NT5DC1: variants seen among roughly 807,000 people sequenced by gnomAD.
NT5DC1 encodes 5'-nucleotidase domain-containing protein 1.
NT5DC1 carries 42 observed loss-of-function variants against 59.4 expected under a neutral mutation model. The ratio of observed to expected loss-of-function variants is 0.71; its 90% CI spans 0.55 to 0.92. NT5DC1 has a LOEUF of 0.92. NT5DC1 is among the 40% of genes least tolerant of loss of function. NT5DC1 has a pLI of 0.00. For missense variants in NT5DC1, 501 were observed against 537.1 expected, an observed-to-expected ratio of 0.93 and a Z score of 0.66; for synonymous variants, 172 against 188.1, an observed-to-expected ratio of 0.91 and a Z score of 0.70.
At chr6:116,142,764 T>C (rs1182798227) in intron 6 of NT5DC1, among the ~76,000 whole-genome samples, 3 of 152,196 alleles carry the variant, frequency 2.0e-5, no homozygotes, top group Admixed American at 6.5e-5. Flanking sequence ...TGTTTCTTTT[T>C]GTTTCTTGTG....
chr6:116,172,684 A>G (rs1337642305), intron 6 of NT5DC1, among the ~76,000 whole-genome samples: 3 of 152,182 alleles, frequency 2.0e-5, no homozygotes, highest in Non-Finnish European at 2.9e-5. Context: ...AGCAGATAAC[A>G]TATATTATTT....
At chr6:116,115,342 T>C (rs1778944526) in intron 4 of NT5DC1, among the ~76,000 whole-genome samples, 1 of 152,208 alleles carries the variant, frequency 6.6e-6, no homozygotes, top group South Asian at 2.1e-4. Flanking sequence ...TTAGGTAAAT[T>C]GATTGTTTTG....
chr6:116,163,826 A>G (rs1217003937), intron 6 of NT5DC1, among the ~76,000 whole-genome samples: 4 of 152,078 alleles, frequency 2.6e-5, no homozygotes, highest in African/African-American at 4.8e-5. Context: ...TTCATTTCCA[A>G]TTCTTTTTTA....
chr6:116,242,762 G>C (rs1204825), intron 11 of NT5DC1, among the ~76,000 whole-genome samples: 114,465 of 152,108 alleles, frequency 0.75, 44,582 homozygotes, highest in East Asian at 1. Context: ...TTCTTAGTTT[G>C]CAAATTTCCT....
chr6:116,207,051 A>G (rs1216066012), intron 6 of NT5DC1, among the ~76,000 whole-genome samples: 1 of 151,972 alleles, frequency 6.6e-6, no homozygotes, highest in Non-Finnish European at 1.5e-5. Flanking sequence ...TTTCTTAACA[A>G]ACTTTTTCCT....
At chr6:116,125,097 C>T (rs1779254074) in intron 6 of NT5DC1, among the ~76,000 whole-genome samples, 2 of 152,180 alleles carry the variant, frequency 1.3e-5, no homozygotes, top group Admixed American at 6.5e-5. Flanking sequence ...TTTGTACACA[C>T]AAAAGTTCTG....
chr6:116,224,241 C>G (rs1240050357), intron 8 of NT5DC1, among the ~76,000 whole-genome samples: 1 of 152,142 alleles, frequency 6.6e-6, no homozygotes. Context: ...GTATTATTTA[C>G]TTTGAACTTT....
chr6:116,163,813 A>C (rs547663909), intron 6 of NT5DC1, among the ~76,000 whole-genome samples: 14 of 152,264 alleles, frequency 9.2e-5, no homozygotes, highest in African/African-American at 3.4e-4. Flanking sequence ...TTACATGTCT[A>C]TATTCATTTC....
At chr6:116,162,805 G>A (rs1780365357) in intron 6 of NT5DC1, among the ~76,000 whole-genome samples, 2 of 151,998 alleles carry the variant, frequency 1.3e-5, no homozygotes, top group Admixed American at 1.3e-4. Flanking sequence ...AGTTTAGGAG[G>A]AATTCCTCCT....
chr6:116,123,574 T>C (rs1779201806), intron 6 of NT5DC1, among the ~76,000 whole-genome samples: 1 of 152,256 alleles, frequency 6.6e-6, no homozygotes, highest in African/African-American at 2.4e-5. Flanking sequence ...AACTCTTTTT[T>C]AACCTGTGTT....
chr6:116,243,918 T>A lies in NT5DC1; in HGVS notation c.1262T>A (p.Leu421Gln). Residue 421 changes from leucine to glutamine, a missense_variant, in exon 12 of 12, where the codon CTG becomes CAG. Physicochemically the swap from Leu to Gln is moderately radical, Grantham distance 113 (BLOSUM62 -2). Transcript: ENST00000319550. ...PSIEAIAELP[L>Q]DYKFTRFSSS... ...TTTTTTTCCTCCCCAGAATTACCTC[T>A]GGACTACAAATTTACAAGATTCTCT... is the stretch of plus-strand genomic sequence containing the variant. 6.8e-7 allele frequency: 1 copy of A among 1,471,694 alleles called. No homozygotes were observed. Among genetic ancestry groups the A allele is most frequent in the Non-Finnish European group, 9.4e-7 (1 of 1,058,864 alleles). 91.2% of individuals were successfully genotyped at this position (1,471,694 alleles called of 1,614,324 possible). A position where few individuals can be genotyped will look rare whatever the true frequency, so the allele number is the denominator to read the frequency against.
intron 8 of NT5DC1, among the ~76,000 whole-genome samples, chr6:116,230,408 T>A (rs1400902329): frequency 6.6e-6 from 1 of 152,228 alleles, no homozygotes; most frequent in Non-Finnish European, 1.5e-5. Context: ...CTGAAATGAT[T>A]GCCTTTTATT....
intron 11 of NT5DC1, among the ~76,000 whole-genome samples, chr6:116,243,432 T>G (rs1383382394): frequency 1.3e-5 from 2 of 151,796 alleles, no homozygotes; most frequent in African/African-American, 4.9e-5. Flanking sequence ...TAAACATTAT[T>G]ATAAATTGCA....
intron 6 of NT5DC1, among the ~76,000 whole-genome samples, chr6:116,186,109 G>A (rs1780991237): frequency 6.6e-6 from 1 of 151,996 alleles, no homozygotes; most frequent in South Asian, 2.1e-4. Flanking sequence ...AAAAGACTGT[G>A]TCTTCCCTTC....
chr6:116,220,311 A>G (rs750942585), intron 6 of NT5DC1, among the ~76,000 whole-genome samples: 2 of 152,096 alleles, frequency 1.3e-5, no homozygotes, highest in East Asian at 1.9e-4. Context: ...CTTTAAAGGC[A>G]TTGGGTCAAG....
chr6:116,162,399 G>T (rs1159649760), intron 6 of NT5DC1, among the ~76,000 whole-genome samples: 1 of 152,102 alleles, frequency 6.6e-6, no homozygotes, highest in East Asian at 1.9e-4. Flanking sequence ...TAAGTATGAT[G>T]TTGGCTGTGG....
At chr6:116,136,070 C>G (rs1167618714) in intron 6 of NT5DC1, among the ~76,000 whole-genome samples, 1 of 151,926 alleles carries the variant, frequency 6.6e-6, no homozygotes, top group Non-Finnish European at 1.5e-5. Flanking sequence ...CTTTGTGCCA[C>G]TTGAAAAACA....
chr6:116,169,624 C>A (rs1233148209), intron 6 of NT5DC1, among the ~76,000 whole-genome samples: 5 of 151,944 alleles, frequency 3.3e-5, no homozygotes, highest in African/African-American at 7.2e-5. Context: ...CCTGTAGTAC[C>A]TGCTATCTGC....
chr6:116,197,961 T>C (rs1165555098), intron 6 of NT5DC1, among the ~76,000 whole-genome samples: 1 of 152,038 alleles, frequency 6.6e-6, no homozygotes, highest in Non-Finnish European at 1.5e-5. Flanking sequence ...TCTCTGAATT[T>C]TGTCATAGAG....
Sources: gnomAD v4.1 joint callset for allele counts (sites outside exome capture counted in the v4.1 genomes callset) on GRCh38, gnomAD v4.1.1 for gene constraint, MANE v1.5 for transcripts, NCBI Gene and HGNC (gene_info 2026-07-23, HGNC 2026-07-21) for gene names.